Variants in ITGA1 observed in about 807,000 individuals in gnomAD.
ITGA1 encodes the protein integrin alpha-1.
Under a neutral mutation model 145.9 loss-of-function variants are expected in ITGA1, and 85 were observed. The observed-to-expected ratio is 0.58, with a 90% CI of 0.49 to 0.70. The LOEUF is 0.70. ITGA1 is among the 30% of genes least tolerant of loss of function. ITGA1 has a pLI of 0.00. For synonymous variants in ITGA1, 520 were observed against 495.3 expected (o/e 1.05, Z -0.66); for missense variants, 1,351 against 1,418.7 (o/e 0.95, Z 0.77).
chr5:52,911,534 T>TAGATATGTATCTAGTATA (rs1491496988), intron 14 of ITGA1, among the ~76,000 whole-genome samples: 1 of 97,456 alleles, frequency 1.0e-5, no homozygotes, highest in Admixed American at 1.1e-4. Flanking sequence ...TATCTATATA[T>TAGATATGTATCTAGTATA]TAGATACATA....
intron 6 of ITGA1, among the ~76,000 whole-genome samples, chr5:52,869,477 C>T (rs1211594345): frequency 6.6e-6 from 1 of 152,098 alleles, no homozygotes; most frequent in African/African-American, 2.4e-5. Flanking sequence ...GATTCTTAAA[C>T]AGATTAAAGT....
chr5:52,911,415 T>C (rs563476457), intron 14 of ITGA1, among the ~76,000 whole-genome samples: 16 of 134,312 alleles, frequency 1.2e-4, no homozygotes, highest in Non-Finnish European at 1.4e-4. Flanking sequence ...ATAGTGTATA[T>C]ACACTATATA....
intron 1 of ITGA1, chr5:52,824,674 G>A (rs1246440602): frequency 6.6e-6 from 1 of 152,126 alleles, no homozygotes; most frequent in East Asian, 1.9e-4. Flanking sequence ...GCAAGCCCAA[G>A]CTGCAGAATG....
At chr5:52,834,080 T>C (rs1030956052) in intron 1 of ITGA1, among the ~76,000 whole-genome samples, 9 of 152,190 alleles carry the variant, frequency 5.9e-5, no homozygotes, top group African/African-American at 1.9e-4. Flanking sequence ...CATAAGACAG[T>C]CCATGTGAAG....
At chr5:52,914,675 C>T (rs2111862957) in intron 14 of ITGA1, among the ~76,000 whole-genome samples, 1 of 151,874 alleles carries the variant, frequency 6.6e-6, no homozygotes, top group Non-Finnish European at 1.5e-5. Flanking sequence ...TTTGGTTTGC[C>T]TTAGTAGGCT....
rs1180843741 is a variant in ITGA1 at position 52,893,737 on chromosome 5, A to G, written c.987A>G (p.Ser329=). ...AAAAATTTGTGGAGGAAATAAAATC[A>G]ATTGCAAGTGAACCCACTGAAAAGC... ...STEKFVEEIK[S]IASEPTEKHF... Residue 329 remains serine (S), a synonymous_variant, in exon 9 of 29, where the codon TCA becomes TCG. Transcript: ENST00000282588. The G allele has an allele frequency of 1.2e-6, 2 of 1,613,106 alleles. No homozygotes were observed. The highest frequency in any genetic ancestry group is 1.7e-6 in the Non-Finnish European group (2 of 1,179,306).
chr5:52,793,568 C>T (rs946302326), intron 1 of ITGA1, among the ~76,000 whole-genome samples: 3 of 151,980 alleles, frequency 2.0e-5, no homozygotes, highest in African/African-American at 7.2e-5. Flanking sequence ...AAATTACAAT[C>T]AATAATATAC....
intron 6 of ITGA1, chr5:52,867,204 T>A (rs1749701551): frequency 6.6e-6 from 1 of 152,190 alleles, no homozygotes; most frequent in Admixed American, 6.5e-5. Flanking sequence ...TTTTGATATC[T>A]ATGTATATAT....
chr5:52,879,348 T>A (rs565315218), intron 6 of ITGA1, among the ~76,000 whole-genome samples: 1 of 152,274 alleles, frequency 6.6e-6, no homozygotes, highest in South Asian at 2.1e-4. Context: ...AAGCAAACTG[T>A]AAGATGTCCT....
chr5:52,943,774 G>A (rs1751087311), intron 26 of ITGA1, among the ~76,000 whole-genome samples: 1 of 152,230 alleles, frequency 6.6e-6, no homozygotes, highest in East Asian at 1.9e-4. Flanking sequence ...CTCTGAGATG[G>A]GGGCTCCTCC....
chr5:52,837,370 G>T (rs907557572), intron 1 of ITGA1, among the ~76,000 whole-genome samples: 2 of 152,166 alleles, frequency 1.3e-5, no homozygotes, highest in African/African-American at 4.8e-5. Context: ...TGAAGGAAGG[G>T]CAGGTTGAGA....
In ITGA1 at chr5:52,955,120, G is replaced by A. The variant is rs190879929; in HGVS notation, c.*2669G>A. The A allele has an allele frequency of 1.3e-5, 2 of 151,112 alleles. No individual in the cohort carries two copies. Among genetic ancestry groups the A allele is most frequent in the South Asian group, 4.2e-4 (2 of 4,794 alleles). The allele number at this position is 151,112 out of a possible 1,614,324, so 9.4% of individuals were successfully genotyped here. ...TCTCTTTTCTGACCAAACTACAATG[G>A]TATATTGGTAAATTATTTAACAACA... On this transcript the variant is annotated 3_prime_UTR_variant, in exon 29 of 29. Coordinates refer to ENST00000282588, the MANE Select transcript of ITGA1 (RefSeq NM_181501.2).
At chr5:52,899,219 G>A (rs1011826794) in intron 11 of ITGA1, among the ~76,000 whole-genome samples, 6 of 152,164 alleles carry the variant, frequency 3.9e-5, no homozygotes, top group South Asian at 2.1e-4. Context: ...ACAGCTTCAC[G>A]TGTTAGCCTT....
rs1257672120 is a variant in ITGA1 at position 52,811,438 on chromosome 5, T to A, written c.61+23024T>A. Among the ~76,000 whole-genome samples, 3 of 152,192 alleles carry A rather than the reference T, an allele frequency of 2.0e-5. No homozygotes were observed. In the East Asian group the frequency reaches 5.8e-4, roughly 29 times the overall value. On this transcript the variant is annotated intron_variant, in intron 1 of 28. Coordinates refer to ENST00000282588, the MANE Select transcript of ITGA1 (RefSeq NM_181501.2). ...CATGTCTTTCCAGTAAAATAAATCT[T>A]TAGTGACTCTCAGGTTTAAAAAGAA...
chr5:52,920,581 G>A lies in ITGA1; in HGVS notation c.2292+113G>A, dbSNP rs930512275. 5 of 835,236 alleles carry A rather than the reference G, an allele frequency of 6.0e-6. No individual in the cohort carries two copies. The Middle Eastern group carries it at 1.1e-3, about 183-fold the overall frequency. 51.7% of individuals were successfully genotyped at this position (835,236 alleles called of 1,614,324 possible). On this transcript the variant is annotated intron_variant, in intron 17 of 28. Coordinates refer to ENST00000282588, the MANE Select transcript of ITGA1 (RefSeq NM_181501.2). ...TTTTATTTCAAAATGCACTTATGAT[G>A]TCATAAAGGAAATCTTGTTTGTTCA...
At chr5:52,940,165 A>G (rs1023853510) in intron 26 of ITGA1, among the ~76,000 whole-genome samples, 2 of 152,206 alleles carry the variant, frequency 1.3e-5, no homozygotes, top group African/African-American at 4.8e-5. Flanking sequence ...CTGGAGAGAT[A>G]TACTTTTTTC....
At chr5:52,944,810 T>C in intron 26 of ITGA1, 133 bp from the exon 27 acceptor site, 1 of 614,264 alleles carries the variant, frequency 1.6e-6, no homozygotes, top group African/African-American at 1.8e-5. Context: ...CCAGTTCCAT[T>C]TGGAAGTTAA....
chr5:52,920,379 A>T lies in ITGA1; in HGVS notation c.2203A>T (p.Ser735Cys). The T allele has an allele frequency of 6.2e-7, 1 of 1,612,196 alleles. No individual in the cohort carries two copies. The highest frequency in any genetic ancestry group is 8.5e-7 in the Non-Finnish European group (1 of 1,179,162). ...AGATTCACTAAGACAAATATCACGA[A>T]GTTTTTTCTCTGGAACTCAAGAGAG... ...TLDSLRQISR[S>C]FFSGTQERKV... Residue 735 changes from serine to cysteine, a missense_variant, in exon 17 of 29, where the codon AGT (serine) becomes TGT (cysteine). Coordinates refer to ENST00000282588, the MANE Select transcript of ITGA1 (RefSeq NM_181501.2).
At chr5:52,825,328 A>G (rs951610900) in intron 1 of ITGA1, 2 of 152,192 alleles carry the variant, frequency 1.3e-5, no homozygotes, top group African/African-American at 4.8e-5. Flanking sequence ...TGCTTCATAG[A>G]TACTGCGTTT....
Sources: allele counts gnomAD v4.1 joint callset (sites outside exome capture counted in the v4.1 genomes callset), GRCh38; gene constraint gnomAD v4.1.1; transcripts MANE v1.5; gene names NCBI Gene and HGNC (gene_info 2026-07-23, HGNC 2026-07-21).